The following KMT5B variants were observed in gnomAD, a reference collection of about 807,000 sequenced individuals.
KMT5B encodes histone-lysine N-methyltransferase KMT5B.
A neutral mutation model predicts 83.2 loss-of-function variants in KMT5B; 10 were observed. The ratio of observed to expected loss-of-function variants is 0.12; its 90% CI spans 0.07 to 0.20. The LOEUF (loss-of-function observed/expected upper bound fraction) is 0.20, where lower values mean the gene tolerates loss of function less well. KMT5B is among the 10% of genes least tolerant of loss of function. The pLI, the probability that KMT5B is intolerant of heterozygous loss-of-function variation, is 1.00. For synonymous variants in KMT5B, 349 were observed against 388.8 expected, an observed-to-expected ratio of 0.90 and a Z score of 1.20; for missense variants, 753 against 1,067.2, an observed-to-expected ratio of 0.71 and a Z score of 4.10.
chr11:68,208,324 GT>G (rs1490472600), intron 1 of KMT5B, among the ~76,000 whole-genome samples: 2 of 151,976 alleles, frequency 1.3e-5, no homozygotes, highest in African/African-American at 2.4e-5. Context: ...GCATGTGGCT[GT>G]AATCCCAGCT....
At chr11:68,202,251 G>C (rs1020763383) in intron 1 of KMT5B, among the ~76,000 whole-genome samples, 20 of 152,156 alleles carry the variant, frequency 1.3e-4, no homozygotes, top group African/African-American at 4.6e-4. Flanking sequence ...ATATTTACCT[G>C]CTACATGTTC....
rs990294577 is a variant in KMT5B, at chr11:68,175,170, T to C, written c.391A>G (p.Lys131Glu). Reference protein sequence around the residue: ...HNNPVRFRPIKGRQEELKEVI... With the variant: ...HNNPVRFRPIEGRQEELKEVI... ...TCCTTTAGTTCTTCCTGCCTTCCTT[T>C]AATAGGCCTAAATCTGAAAGAAATC... The change falls in exon 5 of 11, where the codon AAA becomes GAA. Residue 131 changes from lysine (K) to glutamate (E), a missense_variant. Physicochemically the swap from Lys to Glu is moderately conservative, Grantham distance 56 (BLOSUM62 1). This residue lies in a region of KMT5B where 71 missense variants were observed against 107.0 expected (regional missense o/e 0.66). Coordinates refer to ENST00000304363, the MANE Select transcript of KMT5B (RefSeq NM_017635.5). 1 of 1,612,506 alleles carries C rather than the reference T, an allele frequency of 6.2e-7. No homozygotes were observed. Among genetic ancestry groups the C allele is most frequent in the Non-Finnish European group, 8.5e-7 (1 of 1,179,002 alleles).
Position 68,185,822 on chromosome 11 carries a change from A to G in KMT5B, c.267T>C (p.Leu89=). Residue 89 remains leucine (L), a synonymous_variant, in exon 3 of 11, where the codon CTT becomes CTC. Transcript: ENST00000304363. ...GTGTTTGAAAACCTAAATAGGGATCAAGAACCAAACTGGTTGCTAGGTCAT... is the reference window on the plus strand; with the variant it reads ...GTGTTTGAAAACCTAAATAGGGATCGAGAACCAAACTGGTTGCTAGGTCAT... ...ENDDLATSLV[L]DPYLGFQTHK... The G allele has an allele frequency of 6.2e-7, 1 of 1,614,196 alleles. No homozygotes were observed. Among genetic ancestry groups the G allele is most frequent in the South Asian group, 1.1e-5 (1 of 91,086 alleles).
At chr11:68,202,683 G>T (rs1859601242) in intron 1 of KMT5B, among the ~76,000 whole-genome samples, 1 of 151,246 alleles carries the variant, frequency 6.6e-6, no homozygotes, top group African/African-American at 2.4e-5. Context: ...TGAGTAGCTG[G>T]GATTACAGGC....
At chr11:68,201,363 T>C (rs111349628) in intron 1 of KMT5B, among the ~76,000 whole-genome samples, 4 of 152,350 alleles carry the variant, frequency 2.6e-5, no homozygotes, top group African/African-American at 7.2e-5. Flanking sequence ...CATTGATTCA[T>C]AGAAAATGGG....
intron 10 of KMT5B, among the ~76,000 whole-genome samples, chr11:68,165,398 G>C (rs1402224026): frequency 1.3e-5 from 2 of 152,140 alleles, no homozygotes; most frequent in African/African-American, 4.8e-5. Flanking sequence ...CAGCTACTTG[G>C]GAGGCTGAGG....
At chr11:68,194,071 T>C (rs1025213258) in intron 1 of KMT5B, among the ~76,000 whole-genome samples, 41 of 152,090 alleles carry the variant, frequency 2.7e-4, no homozygotes, top group African/African-American at 9.2e-4. Flanking sequence ...GTTTTGCCTA[T>C]GGACTCTAAA....
intron 6 of KMT5B, among the ~76,000 whole-genome samples, chr11:68,173,184 G>A (rs1392133124): frequency 6.6e-6 from 1 of 152,102 alleles, no homozygotes; most frequent in African/African-American, 2.4e-5. Flanking sequence ...AGGACTACAG[G>A]TGTGTGCTAC....
chr11:68,193,780 T>C (rs1858372262), intron 1 of KMT5B, among the ~76,000 whole-genome samples: 2 of 151,814 alleles, frequency 1.3e-5, no homozygotes, highest in South Asian at 2.1e-4. Context: ...AGAAAAGGCA[T>C]AGAATTGAAC....
At chr11:68,169,608 G>A (rs1443673305) in intron 9 of KMT5B, among the ~76,000 whole-genome samples, 1 of 152,138 alleles carries the variant, frequency 6.6e-6, no homozygotes, top group Non-Finnish European at 1.5e-5. Context: ...TACAAAATAG[G>A]TTCTGATGTT....
rs571514594 is a variant in KMT5B at position 68,157,025 on chromosome 11, A to G, written c.*663T>C. 1 of 152,338 alleles carries G rather than the reference A, an allele frequency of 6.6e-6. No homozygotes were observed. The highest frequency in any genetic ancestry group is 1.9e-4 in the East Asian group (1 of 5,188). 9.4% of individuals were successfully genotyped at this position (152,338 alleles called of 1,614,324 possible). A position where few individuals can be genotyped will look rare whatever the true frequency, so the allele number is the denominator to read the frequency against. On this transcript the variant is annotated 3_prime_UTR_variant, in exon 11 of 11. Transcript: ENST00000304363. The stretch of plus-strand genomic sequence containing the variant: ...GACAAGCAATAAATACGCTGTATCG[A>G]ACCTCATCCCACACACTGCTACCCT...
chr11:68,194,268 T>G (rs544831860), intron 1 of KMT5B, among the ~76,000 whole-genome samples: 55 of 149,882 alleles, frequency 3.7e-4, no homozygotes, highest in African/African-American at 1.3e-3. Flanking sequence ...CTTGGCTCAC[T>G]GCAACCTCCA....
At chr11:68,179,539 T>C (rs1262477226) in intron 4 of KMT5B, 2 of 1,304,202 alleles carry the variant, frequency 1.5e-6, no homozygotes, top group Non-Finnish European at 2.0e-6. Context: ...GTCTCCCCAC[T>C]GTGGCAGTGA....
chr11:68,165,839 G>A (rs1855269243), intron 10 of KMT5B: 2 of 1,612,038 alleles, frequency 1.2e-6, no homozygotes, highest in Middle Eastern at 3.4e-4. Context: ...CTGCTTTTAT[G>A]CTACACGGGT....
At chr11:68,189,834 A>G in intron 2 of KMT5B, 83 bp downstream of exon 2, 1 of 1,342,268 alleles carries the variant, frequency 7.5e-7, no homozygotes. Context: ...AAGACAAAAG[A>G]AAACAGAATA....
intron 10 of KMT5B, among the ~76,000 whole-genome samples, chr11:68,163,294 G>A (rs188326577): frequency 6.6e-6 from 1 of 152,190 alleles, no homozygotes; most frequent in Admixed American, 6.5e-5. Flanking sequence ...AGCGATTAAA[G>A]CTATGTGAAA....
At chr11:68,165,972 T>C (rs201232725) in intron 10 of KMT5B, 6 of 1,612,694 alleles carry the variant, frequency 3.7e-6, no homozygotes, top group Non-Finnish European at 5.1e-6. Context: ...GAGCACCCAG[T>C]GTTGGGCTGA....
At chr11:68,182,368 G>C (rs1480299536) in intron 3 of KMT5B, among the ~76,000 whole-genome samples, 1 of 152,182 alleles carries the variant, frequency 6.6e-6, no homozygotes, top group Admixed American at 6.5e-5. Flanking sequence ...TACTGAATCA[G>C]AGCCTGCATT....
chr11:68,159,186 AG>A lies in KMT5B; in HGVS notation c.1175-16del. 1 of 1,541,158 alleles carries A rather than the reference AG, an allele frequency of 6.5e-7. No homozygotes were observed. The highest frequency in any genetic ancestry group is 8.7e-7 in the Non-Finnish European group (1 of 1,154,792). On this transcript the variant is annotated splice_polypyrimidine_tract_variant and intron_variant, in intron 10 of 10. Coordinates refer to ENST00000304363, the MANE Select transcript of KMT5B (RefSeq NM_017635.5). ...TCGGTTAGAAGCTGTAAGGTTAAAG[AG>A]AAAAAGGTGAAAAGCCTTGGTAACA...
Sources: allele counts gnomAD v4.1 joint callset (sites outside exome capture counted in the v4.1 genomes callset), GRCh38; gene constraint gnomAD v4.1.1; regional missense constraint gnomAD v4.1.1; transcripts MANE v1.5; gene names NCBI Gene and HGNC (gene_info 2026-07-23, HGNC 2026-07-21).